The following PAK2 variants were observed in gnomAD, a reference collection of about 807,000 sequenced individuals.
PAK2 encodes the protein serine/threonine-protein kinase PAK 2.
PAK2 carries 21 observed loss-of-function variants against 65.9 expected under a neutral mutation model. That is an observed-to-expected ratio of 0.32 (90% confidence interval 0.23 to 0.46). The LOEUF is 0.46. PAK2 is among the 20% of genes least tolerant of loss of function. The pLI is 1.00. For missense variants in PAK2, 324 were observed against 642.6 expected, an observed-to-expected ratio of 0.50 and a Z score of 5.36; for synonymous variants, 204 against 219.7, an observed-to-expected ratio of 0.93 and a Z score of 0.63.
At chr3:196,768,396 C>T (rs1029356482) in intron 1 of PAK2, among the ~76,000 whole-genome samples, 22 of 151,932 alleles carry the variant, frequency 1.4e-4, no homozygotes, top group African/African-American at 5.3e-4. Context: ...TTGATTATTT[C>T]CTTCCTACAT....
intron 1 of PAK2, among the ~76,000 whole-genome samples, chr3:196,744,727 T>C (rs1389225160): frequency 4.6e-5 from 7 of 152,318 alleles, no homozygotes; most frequent in Admixed American, 1.3e-4. Context: ...TCATGACATA[T>C]AGTGGCACCT....
chr3:196,812,185 A>T, intron 8 of PAK2, 34 bp from the exon 9 acceptor site: 4 of 1,274,852 alleles, frequency 3.1e-6, no homozygotes, highest in Non-Finnish European at 4.6e-6. Context: ...TGATTTATCA[A>T]CCTTAAATCT....
chr3:196,775,026 G>A (rs1714490689), intron 1 of PAK2, among the ~76,000 whole-genome samples: 1 of 152,198 alleles, frequency 6.6e-6, no homozygotes, highest in African/African-American at 2.4e-5. Context: ...CAGCTAAGCA[G>A]CTGGTAGAGG....
intron 2 of PAK2, among the ~76,000 whole-genome samples, chr3:196,787,739 G>T (rs1714942088): frequency 6.6e-6 from 1 of 152,178 alleles, no homozygotes; most frequent in Non-Finnish European, 1.5e-5. Context: ...GAGAGACAGA[G>T]ATGTGTGGAA....
chr3:196,811,485 G>A (rs571797386), intron 8 of PAK2, among the ~76,000 whole-genome samples: 81 of 132,344 alleles, frequency 6.1e-4, no homozygotes, highest in Middle Eastern at 4.2e-3. Flanking sequence ...GGGTTCAAAC[G>A]ATTCTTCTGC....
chr3:196,742,794 G>GTAGTCCCAGCTACTC (rs1713248737), intron 1 of PAK2, among the ~76,000 whole-genome samples: 1 of 152,204 alleles, frequency 6.6e-6, no homozygotes, highest in Admixed American at 6.5e-5. Context: ...GCAGGCGCCT[G>GTAGTCCCAGCTACTC]TAGTCCCAGC....
intron 1 of PAK2, among the ~76,000 whole-genome samples, chr3:196,775,094 A>G (rs1714492909): frequency 6.6e-6 from 1 of 152,160 alleles, no homozygotes; most frequent in South Asian, 2.1e-4. Context: ...CACTCGTGGT[A>G]TATTAGAATT....
rs922982368 is a variant in PAK2 at position 196,810,010 on chromosome 3, A to G, written c.710-580A>G. Among the ~76,000 whole-genome samples, 62 of 152,040 alleles carry G rather than the reference A, an allele frequency of 4.1e-4. 1 individual carries two copies. The highest frequency in any genetic ancestry group is 3.7e-3 in the Admixed American group (57 of 15,220). On this transcript the variant is annotated intron_variant, in intron 7 of 14. Transcript: ENST00000327134. ...TGATTAGTTTATGTCAGAGCATAGT[A>G]ATTTTTATGGTAATAAGTGGTTTTC...
At chr3:196,808,072 G>A (rs1715643705) in intron 7 of PAK2, 158 bp downstream of exon 7, 4 of 624,366 alleles carry the variant, frequency 6.4e-6, no homozygotes, top group South Asian at 2.1e-5. Flanking sequence ...ATCTGGTGAT[G>A]TCACCAGGTT....
At chr3:196,768,536 C>G (rs1714257776) in intron 1 of PAK2, among the ~76,000 whole-genome samples, 1 of 151,886 alleles carries the variant, frequency 6.6e-6, no homozygotes, top group Non-Finnish European at 1.5e-5. Flanking sequence ...GAAACAAGGT[C>G]TCACTCTGTT....
chr3:196,797,486 G>C (rs1715294014), intron 2 of PAK2, among the ~76,000 whole-genome samples: 2 of 151,910 alleles, frequency 1.3e-5, no homozygotes, highest in Admixed American at 1.3e-4. Flanking sequence ...GGGCGCAGTG[G>C]CTCATGCCTG....
intron 2 of PAK2, among the ~76,000 whole-genome samples, chr3:196,792,349 C>T (rs760724904): frequency 2.0e-5 from 3 of 152,128 alleles, no homozygotes; most frequent in Admixed American, 1.3e-4. Flanking sequence ...GTTGAGTGCA[C>T]GACCTCAAAT....
At chr3:196,783,445 A>G (rs931881524) in intron 2 of PAK2, among the ~76,000 whole-genome samples, 6 of 151,988 alleles carry the variant, frequency 3.9e-5, no homozygotes, top group African/African-American at 1.2e-4. Context: ...GGCCAGACAC[A>G]GTGGCTCGTG....
At chr3:196,755,911 A>G (rs1178612835) in intron 1 of PAK2, among the ~76,000 whole-genome samples, 4 of 151,952 alleles carry the variant, frequency 2.6e-5, no homozygotes, top group Non-Finnish European at 5.9e-5. Flanking sequence ...GAGCACCACC[A>G]TGCCTGGCTA....
At chr3:196,809,208 A>C (rs1012124676) in intron 7 of PAK2, among the ~76,000 whole-genome samples, 3 of 151,696 alleles carry the variant, frequency 2.0e-5, no homozygotes, top group Admixed American at 6.6e-5. Flanking sequence ...TGATTGCGCC[A>C]CTGCACTCCA....
intron 1 of PAK2, among the ~76,000 whole-genome samples, chr3:196,757,162 G>A (rs1010363058): frequency 3.3e-5 from 5 of 152,178 alleles, no homozygotes; most frequent in African/African-American, 1.2e-4. Flanking sequence ...GGACGGTTAG[G>A]AACAGGTAAC....
At chr3:196,819,965 G>A (rs1296646292) in intron 12 of PAK2, among the ~76,000 whole-genome samples, 1 of 151,968 alleles carries the variant, frequency 6.6e-6, no homozygotes. Context: ...CAACACAGGG[G>A]GACTCTGTCT....
intron 4 of PAK2, among the ~76,000 whole-genome samples, chr3:196,804,808 T>TGTG (rs1715531075): frequency 3.9e-4 from 5 of 12,972 alleles, no homozygotes; most frequent in Non-Finnish European, 6.4e-4. Context: ...GTGTGTGTGA[T>TGTG]ATATATATAT....
chr3:196,793,509 C>T (rs541871238), intron 2 of PAK2, among the ~76,000 whole-genome samples: 5 of 152,018 alleles, frequency 3.3e-5, no homozygotes, highest in Non-Finnish European at 5.9e-5. Flanking sequence ...TTAATACTTT[C>T]TATATGAGTA....
Sources: allele counts gnomAD v4.1 joint callset (sites outside exome capture counted in the v4.1 genomes callset), GRCh38; gene constraint gnomAD v4.1.1; transcripts MANE v1.5; gene names NCBI Gene and HGNC (gene_info 2026-07-23, HGNC 2026-07-21).